COL15A1: variants seen among roughly 807,000 people sequenced by gnomAD.
COL15A1 encodes the protein collagen alpha-1(XV) chain.
In COL15A1, 111 loss-of-function variants were observed where a neutral mutation model predicts 165.9. The ratio of observed to expected loss-of-function variants is 0.67; its 90% confidence interval spans 0.57 to 0.78. The LOEUF (loss-of-function observed/expected upper bound fraction) is 0.78, where lower values mean the gene tolerates loss of function less well. Among genes scored for constraint, COL15A1 ranks in the 30% least tolerant of loss-of-function variants. The pLI, the probability that COL15A1 is intolerant of heterozygous loss-of-function variation, is 0.00. For synonymous variants in COL15A1, 659 were observed against 674.8 expected (o/e 0.98, Z 0.36); for missense variants, 1,745 against 1,789.7 (o/e 0.98, Z 0.45).
At chr9:99,040,310 T>C (rs1839378892) in intron 22 of COL15A1, among the ~76,000 whole-genome samples, 1 of 152,164 alleles carries the variant, frequency 6.6e-6, no homozygotes, top group African/African-American at 2.4e-5. Flanking sequence ...CCACCCCTTC[T>C]CTCTCTTCCT....
At chr9:98,996,361 G>A (rs774994929) in intron 5 of COL15A1, among the ~76,000 whole-genome samples, 5 of 152,284 alleles carry the variant, frequency 3.3e-5, no homozygotes, top group South Asian at 2.1e-4. Flanking sequence ...GGATTTCTGC[G>A]TAGATCACTG....
chr9:98,957,054 C>T (rs1837788142), intron 2 of COL15A1, among the ~76,000 whole-genome samples: 1 of 152,164 alleles, frequency 6.6e-6, no homozygotes, highest in Non-Finnish European at 1.5e-5. Flanking sequence ...CCATTAGGTT[C>T]TATAGCAAAG....
chr9:99,010,385 T>G (rs1838831622), intron 9 of COL15A1, among the ~76,000 whole-genome samples: 1 of 152,102 alleles, frequency 6.6e-6, no homozygotes, highest in African/African-American at 2.4e-5. Flanking sequence ...AAGAGTATAT[T>G]TGGAAGAAGG....
intron 2 of COL15A1, among the ~76,000 whole-genome samples, chr9:98,983,821 G>A (rs554210058): frequency 9.9e-4 from 151 of 152,346 alleles, no homozygotes; most frequent in Middle Eastern, 3.4e-3. Flanking sequence ...TATGATAGAG[G>A]AAGACACTCA....
intron 24 of COL15A1, among the ~76,000 whole-genome samples, chr9:99,043,984 T>C (rs1361040711): frequency 6.6e-6 from 1 of 152,150 alleles, no homozygotes; most frequent in Non-Finnish European, 1.5e-5. Flanking sequence ...GCACAGGAGC[T>C]TAGAGTTTGG....
intron 2 of COL15A1, among the ~76,000 whole-genome samples, chr9:98,961,063 G>A (rs1184359939): frequency 6.6e-6 from 1 of 152,174 alleles, no homozygotes; most frequent in East Asian, 1.9e-4. Context: ...TGGGTGGGAT[G>A]GAATTCATTC....
At chr9:99,042,848 A>G (rs1839432960) in intron 24 of COL15A1, among the ~76,000 whole-genome samples, 2 of 152,094 alleles carry the variant, frequency 1.3e-5, no homozygotes, top group South Asian at 4.1e-4. Flanking sequence ...GTTGGTTTTT[A>G]TAGATAAGGG....
At chr9:99,036,465 C>T in intron 21 of COL15A1, 69 bp downstream of exon 21, 1 of 1,541,824 alleles carries the variant, frequency 6.5e-7, no homozygotes, top group Non-Finnish European at 8.9e-7. Context: ...AGAAGGTTGT[C>T]CATGACTTCA....
At chr9:99,050,046 G>A in intron 30 of COL15A1, 151 bp downstream of exon 30, 2 of 1,063,770 alleles carry the variant, frequency 1.9e-6, no homozygotes, top group Non-Finnish European at 2.7e-6. Flanking sequence ...GTGACTAGAA[G>A]CTTTTAGATA....
At chr9:98,956,975 C>A (rs542127767) in intron 2 of COL15A1, among the ~76,000 whole-genome samples, 1 of 152,340 alleles carries the variant, frequency 6.6e-6, no homozygotes, top group African/African-American at 2.4e-5. Context: ...TTCCCATGAT[C>A]ACCATCTGTG....
rs758563930 is a variant in COL15A1, at chr9:99,016,127, G to A, written c.1647+8G>A. 6.3e-6 allele frequency: 10 copies of A among 1,598,108 alleles called. No homozygotes were observed. Among genetic ancestry groups the A allele is most frequent in the South Asian group, 2.2e-5 (2 of 88,954 alleles). On this transcript the variant is annotated splice_region_variant and intron_variant, in intron 11 of 41. Transcript: ENST00000375001. ...GAAAGATGGATCACTCCAGTAAGTG[G>A]CATAGAGCTGTAAGATTTGACTTGG...
chr9:99,044,924 A>G (rs1839470808), intron 26 of COL15A1, among the ~76,000 whole-genome samples, 154 bp downstream of exon 26: 1 of 152,228 alleles, frequency 6.6e-6, no homozygotes, highest in African/African-American at 2.4e-5. Flanking sequence ...GCTGACTACA[A>G]TTAAATAAAC....
chr9:98,950,449 T>TCCTTCCCTCCTTCCTCCCCTCCCTC (rs1837661325), intron 2 of COL15A1, among the ~76,000 whole-genome samples: 1 of 146,390 alleles, frequency 6.8e-6, no homozygotes, highest in Non-Finnish European at 1.5e-5. Context: ...TCTTTCTCCT[T>TCCTTCCCTCCTTCCTCCCCTCCCTC]CCTTCCCTCC....
At chr9:99,030,244 T>A (rs1204773797) in intron 16 of COL15A1, among the ~76,000 whole-genome samples, 2 of 152,240 alleles carry the variant, frequency 1.3e-5, no homozygotes, top group Non-Finnish European at 2.9e-5. Flanking sequence ...ATTAGTGAAC[T>A]GATACCTTCA....
chr9:99,003,547 T>C lies in COL15A1; in HGVS notation c.1160T>C (p.Leu387Pro), dbSNP rs1838701547. Residue 387 changes from leucine to proline, a missense_variant, in exon 8 of 42, where the codon CTC becomes CCC. Transcript: ENST00000375001. ...AGTGTGCCCACCGGGGGACCAACCC[T>C]CTCTATGTCCACGGAGAACCCAGAG... ...ASSVPTGGPT[L>P]SMSTENPEEG... The C allele has an allele frequency of 3.2e-6, 5 of 1,563,566 alleles. No individual in the cohort carries two copies. Among genetic ancestry groups the C allele is most frequent in the African/African-American group, 1.4e-5 (1 of 72,646 alleles).
At chr9:99,021,799 G>A (rs1485808271) in intron 12 of COL15A1, among the ~76,000 whole-genome samples, 2 of 152,244 alleles carry the variant, frequency 1.3e-5, no homozygotes. Flanking sequence ...GCAGGGCCCA[G>A]ATCAGAGGGT....
At chr9:98,994,776 A>G (rs1838515562) in intron 5 of COL15A1, among the ~76,000 whole-genome samples, 2 of 152,054 alleles carry the variant, frequency 1.3e-5, no homozygotes, top group African/African-American at 4.8e-5. Context: ...TGAGGTTCCT[A>G]TTTTGTCACA....
intron 30 of COL15A1, among the ~76,000 whole-genome samples, chr9:99,051,606 C>T (rs530472278): frequency 7.1e-4 from 108 of 152,286 alleles, no homozygotes; most frequent in Non-Finnish European, 1.3e-3. Context: ...CAACTTTCAT[C>T]CTTAACTTAG....
intron 2 of COL15A1, among the ~76,000 whole-genome samples, chr9:98,944,925 C>T (rs984638399): frequency 2.6e-5 from 4 of 152,146 alleles, no homozygotes; most frequent in African/African-American, 4.8e-5. Flanking sequence ...AAATGGGCCT[C>T]GGTTAAGGTC....
Sources: gnomAD v4.1 joint callset for allele counts (sites outside exome capture counted in the v4.1 genomes callset) on GRCh38, gnomAD v4.1.1 for gene constraint, MANE v1.5 for transcripts, NCBI Gene and HGNC (gene_info 2026-07-23, HGNC 2026-07-21) for gene names.